C7: variants seen among roughly 807,000 people sequenced by gnomAD.
C7 encodes complement component C7.
C7 carries 83 observed loss-of-function variants against 104.8 expected under a neutral mutation model. That is an observed-to-expected ratio of 0.79 (90% confidence interval 0.66 to 0.95). C7 has a LOEUF of 0.95. C7 is among the 40% of genes least tolerant of loss of function. The pLI is 0.00. For missense variants in C7, 1,070 were observed against 1,011.2 expected (o/e 1.06, Z -0.79); for synonymous variants, 415 against 360.6 (o/e 1.15, Z -1.71).
rs534647253 is a variant in C7, at chr5:40,941,809, T to C, written c.568-3389T>C. On this transcript the variant is annotated intron_variant, in intron 6 of 17. Transcript: ENST00000313164. ...AGAAGACAAATCCAGTTTAGGTATC[T>C]AAAGTATGTCCAAGTGCTCAGGAGA... 2.6e-5 allele frequency among the ~76,000 whole-genome samples: 4 copies of C among 152,326 alleles called. No individual in the cohort carries two copies. In the East Asian group the frequency reaches 7.7e-4, roughly 29 times the overall value.
chr5:40,918,659 G>C (rs1739375614), intron 1 of C7, among the ~76,000 whole-genome samples: 1 of 146,832 alleles, frequency 6.8e-6, no homozygotes, highest in African/African-American at 2.6e-5. Flanking sequence ...ACTTATATAA[G>C]ACAAAATAGA....
chr5:40,928,928 G>T (rs1221290051), intron 2 of C7, among the ~76,000 whole-genome samples: 1 of 152,084 alleles, frequency 6.6e-6, no homozygotes, highest in Non-Finnish European at 1.5e-5. Flanking sequence ...AATCACAGTG[G>T]ACTTATATAT....
At chr5:40,927,426 G>T (rs7704691) in intron 1 of C7, among the ~76,000 whole-genome samples, 34,466 of 151,836 alleles carry the variant, frequency 0.23, 4,101 homozygotes, top group East Asian at 0.32. Flanking sequence ...TTTCTGCATG[G>T]CAAAGGAGAC....
intron 3 of C7, 100 bp from the exon 4 acceptor site, chr5:40,934,225 A>G: frequency 2.5e-6 from 3 of 1,211,084 alleles, no homozygotes; most frequent in Non-Finnish European, 3.3e-6. Context: ...TTCTAATTGT[A>G]TTACTTTTTC....
At chr5:40,919,717 CAAT>C (rs1279343699) in intron 1 of C7, among the ~76,000 whole-genome samples, 2 of 151,832 alleles carry the variant, frequency 1.3e-5, no homozygotes, top group African/African-American at 4.8e-5. Context: ...CCTCAACAAC[CAAT>C]AGGTCAATGA....
intron 1 of C7, among the ~76,000 whole-genome samples, chr5:40,909,963 T>C (rs1739172857): frequency 1.3e-5 from 2 of 149,642 alleles, no homozygotes; most frequent in South Asian, 4.2e-4. Context: ...GGAAAAACTT[T>C]CCTCTGGTGT....
intron 7 of C7, 130 bp downstream of exon 7, chr5:40,945,498 A>G (rs1579854870): frequency 1.7e-6 from 1 of 585,882 alleles, no homozygotes; most frequent in Middle Eastern, 4.5e-4. Context: ...TACTTCCTTT[A>G]AGAGTCAATG....
rs1332424005 is a variant in C7 at position 40,983,595 on chromosome 5, A to G, written c.*2022A>G. ...TTCTTTTCTGAACATTCTTGTGCTG[A>G]CCTTTCCTCTAGTCCAACAGAGGCA... On this transcript the variant is annotated 3_prime_UTR_variant, in exon 18 of 18. Coordinates refer to ENST00000313164, the MANE Select transcript of C7 (RefSeq NM_000587.4). Among the ~76,000 whole-genome samples, 4 of 152,102 alleles carry G rather than the reference A, an allele frequency of 2.6e-5. No individual in the cohort carries two copies.
intron 14 of C7, among the ~76,000 whole-genome samples, chr5:40,965,639 TA>T (rs375185534): frequency 0.14 from 11,158 of 80,208 alleles, 690 homozygotes; most frequent in East Asian, 0.42. Flanking sequence ...TATATATATA[TA>T]TATATATATT....
At position 40,955,429 on chromosome 5, in the gene C7, G is replaced by A. The variant is rs773461229; in HGVS notation, c.1136G>A (p.Gly379Glu). ...NVLRGEPFIR[G>E]GGAGFISGLS... is the part of the protein sequence containing the mutation. ...TTGCGAGGAGAACCGTTCATCAGAG[G>A]GGGAGGTGCAGGCTTCATATCTGGC... The change falls in exon 10 of 18, where the codon GGG becomes GAG. Residue 379 changes from glycine to glutamate, a missense_variant. Coordinates refer to ENST00000313164, the MANE Select transcript of C7 (RefSeq NM_000587.4). The A allele has an allele frequency of 3.1e-6, 5 of 1,612,388 alleles. No individual in the cohort carries two copies. The highest frequency in any genetic ancestry group is 4.5e-5 in the East Asian group (2 of 44,806).
At chr5:40,918,080 T>C (rs1180168326) in intron 1 of C7, among the ~76,000 whole-genome samples, 1 of 152,052 alleles carries the variant, frequency 6.6e-6, no homozygotes, top group African/African-American at 2.4e-5. Context: ...AAAACAGAAA[T>C]AGTATTCAAA....
At chr5:40,972,636 G>A in intron 15 of C7, 42 bp downstream of exon 15, 1 of 1,499,710 alleles carries the variant, frequency 6.7e-7, no homozygotes, top group Non-Finnish European at 9.0e-7. Context: ...TTGTACCCAG[G>A]CAAGTGAGAG....
intron 9 of C7, among the ~76,000 whole-genome samples, chr5:40,953,287 G>GGGA (rs1278218417): frequency 6.6e-6 from 1 of 152,090 alleles, no homozygotes; most frequent in Non-Finnish European, 1.5e-5. Context: ...TCAGAAGCTG[G>GGGA]GGAGGAGGAG....
intron 2 of C7, among the ~76,000 whole-genome samples, chr5:40,930,204 C>A (rs1280009296): frequency 1.6e-5 from 2 of 123,082 alleles, no homozygotes; most frequent in African/African-American, 6.6e-5. Flanking sequence ...TGACCTACCT[C>A]TTTTTTTTTT....
At chr5:40,979,612 C>A in intron 16 of C7, 113 bp from the exon 17 acceptor site, 63 of 548,006 alleles carry the variant, frequency 1.1e-4, no homozygotes, top group Non-Finnish European at 1.5e-4. Context: ...TTTTTTTTTA[C>A]TGTGGGTGAT....
At chr5:40,924,297 C>T (rs1002891114) in intron 1 of C7, among the ~76,000 whole-genome samples, 1 of 152,312 alleles carries the variant, frequency 6.6e-6, no homozygotes, top group East Asian at 1.9e-4. Context: ...TCTCCCTTGG[C>T]TCCAGGTTCC....
At chr5:40,945,875 C>CATATATATATATAT (rs58480949) in intron 7 of C7, among the ~76,000 whole-genome samples, 6 of 127,326 alleles carry the variant, frequency 4.7e-5, no homozygotes, top group East Asian at 2.3e-4. Context: ...AAAAAAAATA[C>CATATATATATATAT]ATATATATAT....
intron 6 of C7, among the ~76,000 whole-genome samples, chr5:40,944,718 A>T (rs1417441461): frequency 6.6e-6 from 1 of 152,232 alleles, no homozygotes; most frequent in African/African-American, 2.4e-5. Flanking sequence ...TTTAGCATTT[A>T]TCCAAGTGAA....
intron 1 of C7, among the ~76,000 whole-genome samples, chr5:40,918,654 TATAA>T (rs1314367750): frequency 6.7e-6 from 1 of 149,552 alleles, no homozygotes. Flanking sequence ...ACTATACTTA[TATAA>T]GACAAAATAG....
Sources: allele counts gnomAD v4.1 joint callset (sites outside exome capture counted in the v4.1 genomes callset), GRCh38; gene constraint gnomAD v4.1.1; transcripts MANE v1.5; gene names NCBI Gene and HGNC (gene_info 2026-07-23, HGNC 2026-07-21).